ZBTB46: variants seen among roughly 807,000 people sequenced by gnomAD.
ZBTB46 encodes the protein zinc finger and BTB domain containing 46.
In ZBTB46, 8 loss-of-function variants were observed where a neutral mutation model predicts 44.1. The ratio of observed to expected loss-of-function variants is 0.18; its 90% CI spans 0.11 to 0.33. The LOEUF (loss-of-function observed/expected upper bound fraction) is 0.33, where lower values mean the gene tolerates loss of function less well. ZBTB46 is among the 10% of genes least tolerant of loss of function. ZBTB46 has a pLI of 1.00. For missense variants in ZBTB46, 651 were observed against 847.7 expected (o/e 0.77, Z 2.88); for synonymous variants, 409 against 382.3 (o/e 1.07, Z -0.81).
At chr20:63,765,478 G>C (rs1028922714) in intron 3 of ZBTB46, among the ~76,000 whole-genome samples, 4 of 152,228 alleles carry the variant, frequency 2.6e-5, no homozygotes, top group African/African-American at 4.8e-5. Context: ...GGCCCAGCTG[G>C]AGTGCAGTGG....
chr20:63,802,577 C>A (rs1053606115), intron 1 of ZBTB46, among the ~76,000 whole-genome samples: 8 of 151,910 alleles, frequency 5.3e-5, no homozygotes, highest in Non-Finnish European at 1.0e-4. Context: ...CAGCACCCTC[C>A]CAGAAACCGC....
intron 1 of ZBTB46, among the ~76,000 whole-genome samples, chr20:63,819,256 G>A (rs546616680): frequency 1.3e-5 from 2 of 152,286 alleles, no homozygotes; most frequent in Admixed American, 1.3e-4. Flanking sequence ...ATTAGGTGAA[G>A]TACAAAATGA....
chr20:63,760,566 C>CG (rs1194137591), intron 3 of ZBTB46, among the ~76,000 whole-genome samples: 101 of 151,730 alleles, frequency 6.7e-4, no homozygotes, highest in Non-Finnish European at 9.9e-4. Flanking sequence ...CCTGGGTTCT[C>CG]CTGCCTCAGC....
intron 3 of ZBTB46, among the ~76,000 whole-genome samples, chr20:63,758,443 T>C (rs2092244335): frequency 6.6e-6 from 1 of 151,980 alleles, no homozygotes; most frequent in Non-Finnish European, 1.5e-5. Context: ...CTGACCCTGG[T>C]GCTTCCCCAT....
intron 1 of ZBTB46, among the ~76,000 whole-genome samples, chr20:63,820,301 A>G (rs6011156): frequency 0.18 from 27,265 of 151,784 alleles, 2,969 homozygotes; most frequent in East Asian, 0.46. Context: ...GGGTTCCACT[A>G]TGTTAGCCAG....
At chr20:63,808,378 G>C (rs1245710428) in intron 1 of ZBTB46, among the ~76,000 whole-genome samples, 1 of 152,326 alleles carries the variant, frequency 6.6e-6, no homozygotes, top group East Asian at 1.9e-4. Context: ...AGACGCCACG[G>C]AGCCCGGGGC....
intron 2 of ZBTB46, among the ~76,000 whole-genome samples, chr20:63,782,358 A>C (rs1021679370): frequency 6.6e-6 from 1 of 152,080 alleles, no homozygotes; most frequent in African/African-American, 2.4e-5. Context: ...AGAAGCGAGG[A>C]TGGGAAGGGG....
chr20:63,820,420 TAAG>T (rs1421176721), intron 1 of ZBTB46, among the ~76,000 whole-genome samples: 1 of 150,262 alleles, frequency 6.7e-6, no homozygotes, highest in Non-Finnish European at 1.5e-5. Context: ...GCACACTTTT[TAAG>T]AAGTATATTA....
Position 63,744,485 on chromosome 20 carries a change from A to C in ZBTB46, c.*2445T>G, listed in dbSNP as rs1474608122. ...AAACACCAAAATACAAACAGACACAAACAAAAATACAAAATGTGAAATGTA... is the reference window on the plus strand; with the variant it reads ...AAACACCAAAATACAAACAGACACACACAAAAATACAAAATGTGAAATGTA... On this transcript the variant is annotated 3_prime_UTR_variant, in exon 5 of 5. Transcript: ENST00000245663. 6.6e-6 allele frequency: 1 copy of C among 151,766 alleles called. No individual in the cohort carries two copies. Among genetic ancestry groups the C allele is most frequent in the African/African-American group, 2.4e-5 (1 of 41,178 alleles). The allele number at this position is 151,766 out of a possible 1,614,324, so 9.4% of individuals were successfully genotyped here. A position where few individuals can be genotyped will look rare whatever the true frequency, so the allele number is the denominator to read the frequency against.
At chr20:63,801,670 G>T (rs142751642) in intron 1 of ZBTB46, among the ~76,000 whole-genome samples, 1 of 152,124 alleles carries the variant, frequency 6.6e-6, no homozygotes, top group Admixed American at 6.6e-5. Flanking sequence ...CCAAGACCAC[G>T]AACCCACCAG....
At position 63,815,230 on chromosome 20, in the gene ZBTB46, AGTGCAATGGGTGCAG is replaced by A. The variant is rs1487578719; in HGVS notation, c.-34+15852_-34+15866del. 3 of 239,948 alleles carry A rather than the reference AGTGCAATGGGTGCAG, an allele frequency of 1.3e-5. No homozygotes were observed. The East Asian group carries it at 4.7e-4, about 37-fold the overall frequency. The allele number at this position is 239,948 out of a possible 1,614,324, so 14.9% of individuals were successfully genotyped here. On this transcript the variant is annotated intron_variant, in intron 1 of 4. Coordinates refer to ENST00000245663, the MANE Select transcript of ZBTB46 (RefSeq NM_001369741.1). Reference sequence around the variant, plus strand: ...AGTGGGCACGAGTGCAAGTGCAGTGAGTGCAATGGGTGCAGGTGCAGTGGGTGCAGGTGGGCACCG... The same window carrying A: ...AGTGGGCACGAGTGCAAGTGCAGTGAGTGCAGTGGGTGCAGGTGGGCACCG...
At chr20:63,765,982 A>T (rs2092317283) in intron 3 of ZBTB46, among the ~76,000 whole-genome samples, 2 of 152,082 alleles carry the variant, frequency 1.3e-5, no homozygotes, top group African/African-American at 4.8e-5. Flanking sequence ...AACCCCCAAG[A>T]CAACTCTCTC....
chr20:63,764,722 C>G (rs1451604642), intron 3 of ZBTB46, among the ~76,000 whole-genome samples: 1 of 150,146 alleles, frequency 6.7e-6, no homozygotes, highest in Non-Finnish European at 1.5e-5. Flanking sequence ...CCTGCCTCAG[C>G]CTCCCGAGTA....
At chr20:63,774,704 T>G (rs1568853046) in intron 3 of ZBTB46, among the ~76,000 whole-genome samples, 1 of 143,512 alleles carries the variant, frequency 7.0e-6, no homozygotes, top group African/African-American at 2.5e-5. Context: ...TTTTGTTTTT[T>G]TTTTTGTTTT....
At chr20:63,782,024 T>C (rs1412275816) in intron 2 of ZBTB46, among the ~76,000 whole-genome samples, 1 of 147,832 alleles carries the variant, frequency 6.8e-6, no homozygotes, top group Admixed American at 7.0e-5. Flanking sequence ...GAGGCGGAGC[T>C]TGCAGTGAGC....
intron 2 of ZBTB46, 137 bp from the exon 3 acceptor site, chr20:63,776,099 G>A (rs1367472246): frequency 7.8e-6 from 9 of 1,148,214 alleles, no homozygotes; most frequent in Non-Finnish European, 1.0e-5. Flanking sequence ...CCCACCCTGG[G>A]AGCCGGGCAC....
chr20:63,809,346 G>A (rs891373701), intron 1 of ZBTB46, among the ~76,000 whole-genome samples: 1 of 152,214 alleles, frequency 6.6e-6, no homozygotes, highest in African/African-American at 2.4e-5. Context: ...TGCTGGGGTG[G>A]TGGCCCCACA....
rs746552778 is a variant in ZBTB46, at chr20:63,767,790, G to C, written c.1222+7888C>G. On this transcript the variant is annotated intron_variant, in intron 3 of 4. Coordinates refer to ENST00000245663, the MANE Select transcript of ZBTB46 (RefSeq NM_001369741.1). The surrounding 1 kb of genome is among the most constrained non-coding windows in gnomAD (Gnocchi z 5.0). ...CTCCAGGCGAGGCCAAGCCGTCCTG[G>C]CACTGGCTGCCCCCAGGGCTGGGCA... The C allele has an allele frequency of 1.5e-4, 124 of 811,128 alleles. No individual in the cohort carries two copies. Among genetic ancestry groups the C allele is most frequent in the Non-Finnish European group, 1.2e-4 (82 of 670,742 alleles). 50.2% of individuals were successfully genotyped at this position (811,128 alleles called of 1,614,324 possible). A position where few individuals can be genotyped will look rare whatever the true frequency, so the allele number is the denominator to read the frequency against.
At chr20:63,760,309 A>G (rs1264201453) in intron 3 of ZBTB46, among the ~76,000 whole-genome samples, 1 of 152,196 alleles carries the variant, frequency 6.6e-6, no homozygotes, top group African/African-American at 2.4e-5. Context: ...TCATAAAACC[A>G]TTGAGCTCTT....
Sources: allele counts gnomAD v4.1 joint callset (sites outside exome capture counted in the v4.1 genomes callset), GRCh38; gene constraint gnomAD v4.1.1; non-coding constraint Gnocchi (gnomAD v3.1); transcripts MANE v1.5; gene names NCBI Gene and HGNC (gene_info 2026-07-23, HGNC 2026-07-21).